OTC: variants seen among roughly 807,000 people sequenced by gnomAD.
OTC encodes the protein ornithine transcarbamylase, mitochondrial.
OTC carries 3 observed loss-of-function variants against 30.3 expected under a neutral mutation model. The observed-to-expected ratio is 0.10, with a 90% CI of 0.05 to 0.26. The LOEUF (loss-of-function observed/expected upper bound fraction) is 0.26, where lower values mean the gene tolerates loss of function less well. Among genes scored for constraint, OTC ranks in the 10% least tolerant of loss-of-function variants. The pLI is 1.00. For missense variants in OTC, 194 were observed against 260.3 expected, an observed-to-expected ratio of 0.75 and a Z score of 1.75; for synonymous variants, 111 against 99.7, an observed-to-expected ratio of 1.11 and a Z score of -0.67.
At chrX:38,398,920 C>T (rs1163291835) in intron 4 of OTC, among the ~76,000 whole-genome samples, 1 of 111,542 alleles carries the variant, frequency 9.0e-6, no homozygotes, top group Non-Finnish European at 1.9e-5. Context: ...AGGGTAGTTG[C>T]TTCTCTAACG....
chrX:38,385,399 T>C (rs1375950184), intron 4 of OTC, among the ~76,000 whole-genome samples: 1 of 112,306 alleles, frequency 8.9e-6, no homozygotes, highest in Non-Finnish European at 1.9e-5. Context: ...CAGGTTGAAA[T>C]AAGTGCTATG....
chrX:38,338,459 T>C, the OTC span, among the ~76,000 whole-genome samples: 5 of 112,250 alleles, frequency 4.5e-5, no homozygotes, highest in Non-Finnish European at 9.4e-5. Context: ...GCCTGTGGCT[T>C]GTTTTGTGAC....
chrX:38,334,206 C>T, the OTC span, among the ~76,000 whole-genome samples: 5 of 112,016 alleles, frequency 4.5e-5, no homozygotes, highest in Non-Finnish European at 9.4e-5. Flanking sequence ...TCTAAGCACT[C>T]TATGTATTAA....
chrX:38,348,887 T>C (rs2068201788), upstream of OTC, among the ~76,000 whole-genome samples: 1 of 111,891 alleles, frequency 8.9e-6, no homozygotes, highest in Non-Finnish European at 1.9e-5. Flanking sequence ...TTCAGAGCTT[T>C]TGTTTTGAAG....
chrX:38,381,324 CT>C lies in OTC; in HGVS notation c.299-8del, dbSNP rs764551624. ...GTTGTTTTTTCAAAATGATTTTTTT[CT>C]TTTTTTTTTATTGTAGGCTTTGCAC... is the stretch of plus-strand genomic sequence containing the variant. On this transcript the variant is annotated splice_polypyrimidine_tract_variant and intron_variant, in intron 3 of 9. Coordinates refer to ENST00000039007, the MANE Select transcript of OTC (RefSeq NM_000531.6). The C allele has an allele frequency of 0.014, 12,247 of 874,866 alleles. 28 individuals are homozygous for C. The highest frequency in any genetic ancestry group is 0.021 in the Middle Eastern group (73 of 3,458). The allele number at this position is 874,866 out of a possible 1,213,427, so 72.1% of individuals were successfully genotyped here.
the OTC span, among the ~76,000 whole-genome samples, chrX:38,339,908 G>C: frequency 9.0e-6 from 1 of 111,421 alleles, no homozygotes; most frequent in African/African-American, 3.3e-5. Context: ...TCACCAGTTT[G>C]ATTAAATGAA....
chrX:38,421,784 T>A (rs1051233484), downstream of OTC, among the ~76,000 whole-genome samples: 2 of 111,763 alleles, frequency 1.8e-5, no homozygotes, highest in Non-Finnish European at 3.8e-5. Context: ...CATGGATACC[T>A]AGAGTAGCAT....
Position 38,378,789 on chromosome X carries a change from A to G in OTC, c.299-2553A>G, listed in dbSNP as rs142123377. Among the ~76,000 whole-genome samples the G allele has an allele frequency of 6.3e-3, 709 of 112,375 alleles. 5 individuals are homozygous for G. Among genetic ancestry groups the G allele is most frequent in the South Asian group, 0.013 (36 of 2,707 alleles). ...AATATCTCACATGCACCAGGAAGAT[A>G]TGAAAAAGTTTATTACTCACATCAT... On this transcript the variant is annotated intron_variant, in intron 3 of 9. Transcript: ENST00000039007.
intron 4 of OTC, among the ~76,000 whole-genome samples, chrX:38,381,883 G>C (rs2068378777): frequency 1.8e-5 from 2 of 111,994 alleles, no homozygotes; most frequent in South Asian, 7.4e-4. Context: ...TTGTCATAAA[G>C]AAGTGAAACA....
upstream of OTC, among the ~76,000 whole-genome samples, chrX:38,349,274 A>G (rs1457487676): frequency 2.7e-5 from 3 of 112,163 alleles, no homozygotes; most frequent in Admixed American, 9.4e-5. Context: ...TTGAGGTTCA[A>G]TTCCACTGGG....
At chrX:38,331,456 T>G in the OTC span, among the ~76,000 whole-genome samples, 709 of 26,879 alleles carry the variant, frequency 0.026, 11 homozygotes, top group African/African-American at 0.07. Context: ...TTTTTTTTTG[T>G]TTGTTTTTTT....
At chrX:38,342,511 C>T in the OTC span, among the ~76,000 whole-genome samples, 2 of 111,467 alleles carry the variant, frequency 1.8e-5, no homozygotes, top group Non-Finnish European at 3.8e-5. Flanking sequence ...TACTGTGCTA[C>T]AGTACTCTCT....
At chrX:38,359,914 C>CTTTTTTTTTTTT (rs57184116) in intron 1 of OTC, among the ~76,000 whole-genome samples, 4 of 94,518 alleles carry the variant, frequency 4.2e-5, no homozygotes, top group Non-Finnish European at 4.2e-5. Flanking sequence ...TTCTTTCTTT[C>CTTTTTTTTTTTT]TTTTTTTTTT....
chrX:38,392,547 A>T (rs2068433928), intron 4 of OTC, among the ~76,000 whole-genome samples: 1 of 112,227 alleles, frequency 8.9e-6, no homozygotes, highest in Non-Finnish European at 1.9e-5. Flanking sequence ...TTTTTTAAAG[A>T]TCTTTAGTAG....
At chrX:38,413,260 CT>C (rs1320002764) in intron 9 of OTC, among the ~76,000 whole-genome samples, 9 of 111,918 alleles carry the variant, frequency 8.0e-5, no homozygotes, top group Non-Finnish European at 1.3e-4. Context: ...ATGTGTAAAG[CT>C]TTTAGTATAG....
rs184967264 is a variant in OTC, at chrX:38,363,693, T to C, written c.78-3598T>C. Among the ~76,000 whole-genome samples, 15 of 111,940 alleles carry C rather than the reference T, an allele frequency of 1.3e-4. No individual in the cohort carries two copies. In the East Asian group the frequency reaches 3.9e-3, roughly 29 times the overall value. On this transcript the variant is annotated intron_variant, in intron 1 of 9. Coordinates refer to ENST00000039007, the MANE Select transcript of OTC (RefSeq NM_000531.6). The stretch of plus-strand genomic sequence containing the variant: ...CTTGCTTCCAAAGTTATCAAATTGC[T>C]GACTATGATGGAGATATTGGGCACA...
At chrX:38,347,792 C>G (rs143452819), upstream of OTC, among the ~76,000 whole-genome samples, 2,759 of 111,504 alleles carry the variant, frequency 0.025, 95 homozygotes, top group African/African-American at 0.085. Flanking sequence ...TCTGAGGGTA[C>G]CGAATGACTT....
At chrX:38,363,354 A>G (rs1419802145) in intron 1 of OTC, among the ~76,000 whole-genome samples, 2 of 112,265 alleles carry the variant, frequency 1.8e-5, no homozygotes, top group African/African-American at 3.2e-5. Context: ...AAGAAGGTTT[A>G]TCTTCTGTAA....
chrX:38,356,476 G>T (rs889166985), intron 1 of OTC, among the ~76,000 whole-genome samples: 3 of 111,385 alleles, frequency 2.7e-5, no homozygotes, highest in African/African-American at 9.8e-5. Context: ...GAGTGAAAAG[G>T]AAAAAAACTC....
Sources: gnomAD v4.1 joint callset for allele counts (sites outside exome capture counted in the v4.1 genomes callset) on GRCh38, gnomAD v4.1.1 for gene constraint, MANE v1.5 for transcripts, NCBI Gene and HGNC (gene_info 2026-07-23, HGNC 2026-07-21) for gene names.